The following INSYN2B variants were observed in gnomAD, a reference collection of about 807,000 sequenced individuals.
INSYN2B encodes inhibitory synaptic factor family member 2B, also known as protein INSYN2B.
Under a neutral mutation model 41.2 loss-of-function variants are expected in INSYN2B, and 16 were observed. The observed-to-expected ratio is 0.39, with a 90% CI of 0.26 to 0.59. The LOEUF (loss-of-function observed/expected upper bound fraction) is 0.59, where lower values mean the gene tolerates loss of function less well. Among genes scored for constraint, INSYN2B ranks in the 20% least tolerant of loss-of-function variants. The pLI, the probability that INSYN2B is intolerant of heterozygous loss-of-function variation, is 0.57. For synonymous variants in INSYN2B, 245 were observed against 244.4 expected, an observed-to-expected ratio of 1.00 and a Z score of -0.02; for missense variants, 608 against 646.4, an observed-to-expected ratio of 0.94 and a Z score of 0.64.
intron 1 of INSYN2B, among the ~76,000 whole-genome samples, chr5:169,968,742 A>G (rs773447133): frequency 1.1e-4 from 16 of 152,180 alleles, no homozygotes; most frequent in Non-Finnish European, 2.1e-4. Flanking sequence ...AGCTCACTTG[A>G]TGCTGTGTTA....
intron 1 of INSYN2B, among the ~76,000 whole-genome samples, chr5:169,945,429 C>A (rs1000025409): frequency 1.4e-4 from 21 of 152,256 alleles, no homozygotes; most frequent in African/African-American, 4.8e-4. Context: ...ATAAACTCAA[C>A]AGAAATGCTA....
intron 3 of INSYN2B, among the ~76,000 whole-genome samples, chr5:169,880,454 G>A (rs908600773): frequency 2.6e-5 from 4 of 152,216 alleles, no homozygotes; most frequent in Admixed American, 6.5e-5. Flanking sequence ...TCAACAAAAA[G>A]AGAAGTGTAA....
rs374052526 is a variant in INSYN2B, at chr5:169,931,387, C to T, written c.-918-46571G>A. On this transcript the variant is annotated intron_variant, in intron 1 of 3. Transcript: ENST00000377365. Reference sequence around the variant, plus strand: ...AGGGCTTGCCTTGATATTGCCGCCTCTCGGCAATTGAACACTTCTCCCGTT... The same window carrying T: ...AGGGCTTGCCTTGATATTGCCGCCTTTCGGCAATTGAACACTTCTCCCGTT... 2.4e-4 allele frequency among the ~76,000 whole-genome samples: 37 copies of T among 152,346 alleles called. 1 individual carries two copies. The highest frequency in any genetic ancestry group is 2.1e-3 in the South Asian group (10 of 4,826).
chr5:169,877,864 ATC>A (rs1162961066), intron 3 of INSYN2B, among the ~76,000 whole-genome samples: 1 of 152,114 alleles, frequency 6.6e-6, no homozygotes, highest in Non-Finnish European at 1.5e-5. Flanking sequence ...TACATGGCCA[ATC>A]TCTCTCTTCA....
At chr5:169,942,798 C>T (rs113136212) in intron 1 of INSYN2B, among the ~76,000 whole-genome samples, 6,732 of 152,278 alleles carry the variant, frequency 0.044, 221 homozygotes, top group Non-Finnish European at 0.067. Flanking sequence ...CTGTCAGGAA[C>T]CTCAGTCTTT....
intron 1 of INSYN2B, among the ~76,000 whole-genome samples, chr5:169,945,829 G>A (rs1020721688): frequency 1.3e-5 from 2 of 152,192 alleles, no homozygotes; most frequent in Non-Finnish European, 2.9e-5. Context: ...CACGGCCTCC[G>A]TCCTTTGTGC....
In INSYN2B at chr5:169,863,534, G is replaced by C. The variant is rs1021998779; in HGVS notation, c.*739C>G. ...CAGAGAAGAAGCATGATGGTTTAGG[G>C]TGGGCCCTGGAACAGCTACAGCTGC... On this transcript the variant is annotated 3_prime_UTR_variant, in exon 4 of 4. Transcript: ENST00000377365. 6.6e-6 allele frequency among the ~76,000 whole-genome samples: 1 copy of C among 152,186 alleles called. No individual in the cohort carries two copies. The highest frequency in any genetic ancestry group is 1.5e-5 in the Non-Finnish European group (1 of 68,046).
At chr5:169,952,333 A>G (rs1176275529) in intron 1 of INSYN2B, among the ~76,000 whole-genome samples, 1 of 152,100 alleles carries the variant, frequency 6.6e-6, no homozygotes, top group African/African-American at 2.4e-5. Context: ...GTATGTAAAA[A>G]TCAATGCAGC....
intron 1 of INSYN2B, among the ~76,000 whole-genome samples, chr5:169,887,097 C>T (rs1042727700): frequency 9.9e-5 from 15 of 152,182 alleles, no homozygotes; most frequent in African/African-American, 3.6e-4. Flanking sequence ...GACCCTGAAG[C>T]ACAGGCTTCT....
intron 3 of INSYN2B, among the ~76,000 whole-genome samples, chr5:169,874,923 G>A (rs992144826): frequency 2.6e-5 from 4 of 152,156 alleles, no homozygotes; most frequent in Middle Eastern, 3.4e-3. Flanking sequence ...TGCTCCATGA[G>A]TAATCCTCTC....
At chr5:169,885,351 T>C (rs1228773924) in intron 1 of INSYN2B, among the ~76,000 whole-genome samples, 1 of 152,212 alleles carries the variant, frequency 6.6e-6, no homozygotes, top group African/African-American at 2.4e-5. Flanking sequence ...AAGCAGAATT[T>C]GTTGAAAAAG....
intron 1 of INSYN2B, among the ~76,000 whole-genome samples, chr5:169,893,994 T>C (rs1773445758): frequency 6.6e-6 from 1 of 152,232 alleles, no homozygotes; most frequent in Non-Finnish European, 1.5e-5. Context: ...CTTTCCATTC[T>C]GAAGGGACCT....
chr5:169,954,241 C>A (rs1051560166), intron 1 of INSYN2B, among the ~76,000 whole-genome samples: 2 of 152,288 alleles, frequency 1.3e-5, no homozygotes, highest in South Asian at 4.1e-4. Context: ...CCTTAGCAAT[C>A]GCTGGACATT....
At chr5:169,940,568 ACTAGACAGTCCC>A (rs1465219753) in intron 1 of INSYN2B, among the ~76,000 whole-genome samples, 1 of 152,226 alleles carries the variant, frequency 6.6e-6, no homozygotes, top group African/African-American at 2.4e-5. Flanking sequence ...TTTTTCTGCA[ACTAGACAGTCCC>A]CTCTGAGGGT....
At chr5:169,896,958 G>A (rs968377622) in intron 1 of INSYN2B, among the ~76,000 whole-genome samples, 1 of 152,170 alleles carries the variant, frequency 6.6e-6, no homozygotes, top group Admixed American at 6.5e-5. Flanking sequence ...GTAAACCAAG[G>A]CAGAAAGGGA....
intron 3 of INSYN2B, among the ~76,000 whole-genome samples, chr5:169,871,601 C>T (rs1256167152): frequency 6.6e-6 from 1 of 152,124 alleles, no homozygotes; most frequent in African/African-American, 2.4e-5. Context: ...GAATCCGAAC[C>T]CTGACAGTCT....
chr5:169,947,075 C>T (rs764427559), intron 1 of INSYN2B, among the ~76,000 whole-genome samples: 6 of 152,170 alleles, frequency 3.9e-5, no homozygotes, highest in Admixed American at 1.3e-4. Context: ...CTGCAACATA[C>T]GTTTATCTTT....
At chr5:169,980,116 G>A (rs1777887904) in intron 1 of INSYN2B, among the ~76,000 whole-genome samples, 161 bp downstream of exon 1, 1 of 152,008 alleles carries the variant, frequency 6.6e-6, no homozygotes. Context: ...TGACAATGGT[G>A]GATTTTCCAC....
intron 1 of INSYN2B, among the ~76,000 whole-genome samples, chr5:169,926,038 GTC>G (rs1775433405): frequency 6.6e-6 from 1 of 152,162 alleles, no homozygotes; most frequent in Non-Finnish European, 1.5e-5. Flanking sequence ...GCTCTGGTTA[GTC>G]TCTGAGTCCA....
Sources: allele counts gnomAD v4.1 joint callset (sites outside exome capture counted in the v4.1 genomes callset), GRCh38; gene constraint gnomAD v4.1.1; transcripts MANE v1.5; gene names NCBI Gene and HGNC (gene_info 2026-07-23, HGNC 2026-07-21).